The following TBC1D19 variants were observed in gnomAD, a reference collection of about 807,000 sequenced individuals.
The protein encoded by TBC1D19 is TBC1 domain family member 19.
In TBC1D19, 60 loss-of-function variants were observed where a neutral mutation model predicts 89.0. The observed-to-expected ratio is 0.67, with a 90% CI of 0.55 to 0.84. TBC1D19 has a LOEUF of 0.84. TBC1D19 is among the 40% of genes least tolerant of loss of function. The pLI, the probability that TBC1D19 is intolerant of heterozygous loss-of-function variation, is 0.00. For synonymous variants in TBC1D19, 189 were observed against 199.7 expected, an observed-to-expected ratio of 0.95 and a Z score of 0.45; for missense variants, 500 against 610.8, an observed-to-expected ratio of 0.82 and a Z score of 1.91.
chr4:26,595,192 A>T (rs1740131268), intron 1 of TBC1D19, among the ~76,000 whole-genome samples: 1 of 152,228 alleles, frequency 6.6e-6, no homozygotes, highest in African/African-American at 2.4e-5. Flanking sequence ...GACATATGAT[A>T]TTAAGTATCC....
intron 1 of TBC1D19, among the ~76,000 whole-genome samples, chr4:26,590,679 A>G (rs1739711041): frequency 6.6e-6 from 1 of 151,730 alleles, no homozygotes; most frequent in Non-Finnish European, 1.5e-5. Flanking sequence ...ATTTTCATCT[A>G]TTATTAACAT....
At chr4:26,656,929 G>A (rs1379800900) in intron 7 of TBC1D19, among the ~76,000 whole-genome samples, 1 of 143,618 alleles carries the variant, frequency 7.0e-6, no homozygotes, top group African/African-American at 2.6e-5. Context: ...TTCCTTGTGA[G>A]TTTGGTTTAG....
In TBC1D19 at chr4:26,584,261, A is replaced by G; in HGVS notation, c.68A>G (p.Asn23Ser). The G allele has an allele frequency of 1.2e-6, 2 of 1,612,332 alleles. No homozygotes were observed. The highest frequency in any genetic ancestry group is 1.7e-6 in the Non-Finnish European group (2 of 1,179,464). The change falls in exon 1 of 21, where the codon AAT (asparagine) becomes AGT (serine). Residue 23 changes from asparagine to serine, a missense_variant. Physicochemically the swap from Asn to Ser is conservative, Grantham distance 46. This residue lies in a region of TBC1D19 where 280 missense variants were observed against 291.7 expected (regional missense o/e 0.96). Coordinates refer to ENST00000264866, the MANE Select transcript of TBC1D19 (RefSeq NM_018317.4). The part of the protein sequence containing the change: ...AQIVQKLKGS[N>S]LYSQLERQAW... ...ATAGTCCAAAAGCTCAAGGGCTCCA[A>G]TTTGTACTCTCAGCTGGAACGGCAG...
intron 1 of TBC1D19, among the ~76,000 whole-genome samples, chr4:26,600,146 A>C (rs1043951781): frequency 1.3e-5 from 2 of 152,088 alleles, no homozygotes; most frequent in Non-Finnish European, 2.9e-5. Flanking sequence ...TTGTCATTAT[A>C]AATAATAGAA....
chr4:26,836,962 G>C, the TBC1D19 span, among the ~76,000 whole-genome samples: 1 of 152,174 alleles, frequency 6.6e-6, no homozygotes, highest in Non-Finnish European at 1.5e-5. Flanking sequence ...GAAACATCTA[G>C]AGTGGGAGTC....
intron 15 of TBC1D19, among the ~76,000 whole-genome samples, chr4:26,725,406 C>G (rs1717247097): frequency 6.6e-6 from 1 of 151,826 alleles, no homozygotes; most frequent in African/African-American, 2.4e-5. Flanking sequence ...AATGCTTTTT[C>G]TTTTTTTCTT....
intron 1 of TBC1D19, chr4:26,585,208 G>T: frequency 2.3e-6 from 1 of 444,182 alleles, no homozygotes; most frequent in Non-Finnish European, 4.5e-6. Context: ...TTCATTCTAT[G>T]AGAAACTGTC....
the TBC1D19 span, among the ~76,000 whole-genome samples, chr4:26,781,298 T>C: frequency 1.3e-4 from 20 of 152,082 alleles, no homozygotes; most frequent in African/African-American, 4.8e-4. Flanking sequence ...TCTCTAGAGG[T>C]AAGGGGGGCT....
At chr4:26,704,177 A>C (rs2109221866) in intron 13 of TBC1D19, among the ~76,000 whole-genome samples, 1 of 152,224 alleles carries the variant, frequency 6.6e-6, no homozygotes, top group Non-Finnish European at 1.5e-5. Flanking sequence ...CCCATTTTTA[A>C]GTGTTGTAAG....
chr4:26,626,692 A>G (rs1281362580), intron 4 of TBC1D19, among the ~76,000 whole-genome samples: 1 of 152,044 alleles, frequency 6.6e-6, no homozygotes, highest in African/African-American at 2.4e-5. Context: ...TAACCTTGGC[A>G]AAAATGATAA....
chr4:26,612,436 G>T (rs1443473708), intron 1 of TBC1D19, among the ~76,000 whole-genome samples: 1 of 151,736 alleles, frequency 6.6e-6, no homozygotes, highest in African/African-American at 2.4e-5. Context: ...GTAAGTGGAG[G>T]ATAAGACCAG....
the TBC1D19 span, among the ~76,000 whole-genome samples, chr4:26,829,804 G>A: frequency 6.6e-6 from 1 of 152,358 alleles, no homozygotes; most frequent in African/African-American, 2.4e-5. Flanking sequence ...TGTGATACAT[G>A]TGGACAAAGA....
At chr4:26,631,126 A>G (rs559441675) in intron 4 of TBC1D19, among the ~76,000 whole-genome samples, 11 of 152,088 alleles carry the variant, frequency 7.2e-5, no homozygotes, top group Non-Finnish European at 1.5e-4. Flanking sequence ...ATAGTGTTAT[A>G]GATATGGGAC....
the TBC1D19 span, chr4:26,857,864 C>A: frequency 6.6e-6 from 1 of 152,384 alleles, no homozygotes; most frequent in Non-Finnish European, 1.5e-5. Flanking sequence ...AGCCGGTGCA[C>A]GGATCCTGCT....
chr4:26,636,416 A>T (rs1560433835), intron 4 of TBC1D19, among the ~76,000 whole-genome samples: 1 of 151,130 alleles, frequency 6.6e-6, no homozygotes, highest in South Asian at 2.1e-4. Context: ...TATGAAAAAT[A>T]GTGAGACAAA....
intron 1 of TBC1D19, among the ~76,000 whole-genome samples, chr4:26,602,799 T>C (rs944651779): frequency 6.6e-6 from 1 of 152,162 alleles, no homozygotes; most frequent in African/African-American, 2.4e-5. Context: ...AGAACCAGTT[T>C]TACTTGAGTG....
intron 7 of TBC1D19, among the ~76,000 whole-genome samples, chr4:26,646,205 C>T (rs914182052): frequency 4.0e-5 from 6 of 151,146 alleles, no homozygotes; most frequent in Non-Finnish European, 8.8e-5. Context: ...CCAACAGACA[C>T]ATGAAAAAAT....
intron 17 of TBC1D19, among the ~76,000 whole-genome samples, chr4:26,741,177 A>C (rs1269507582): frequency 6.6e-6 from 1 of 151,926 alleles, no homozygotes; most frequent in Non-Finnish European, 1.5e-5. Flanking sequence ...TAACAAGGTG[A>C]AACCCCGTCT....
At chr4:26,646,937 G>T (rs1448732119) in intron 7 of TBC1D19, among the ~76,000 whole-genome samples, 2 of 152,056 alleles carry the variant, frequency 1.3e-5, no homozygotes, top group African/African-American at 4.8e-5. Flanking sequence ...TTTAAAAAAA[G>T]TAAAATAATG....
Sources: allele counts gnomAD v4.1 joint callset (sites outside exome capture counted in the v4.1 genomes callset), GRCh38; gene constraint gnomAD v4.1.1; regional missense constraint gnomAD v4.1.1; transcripts MANE v1.5; gene names NCBI Gene and HGNC (gene_info 2026-07-23, HGNC 2026-07-21).